SLC8A1: variants seen among roughly 807,000 people sequenced by gnomAD.
The protein encoded by SLC8A1 is solute carrier family 8 member A1, also known as sodium/calcium exchanger 1.
In SLC8A1, 18 loss-of-function variants were observed where a neutral mutation model predicts 68.3. The observed-to-expected ratio is 0.26, with a 90% CI of 0.18 to 0.39. The LOEUF (loss-of-function observed/expected upper bound fraction) is 0.39, where lower values mean the gene tolerates loss of function less well. Ranked by LOEUF, SLC8A1 falls within the 10% of genes least tolerant of loss-of-function variation. The probability of loss-of-function intolerance (pLI) is 1.00; values close to 1 mark genes in which losing one functional copy is unlikely to be tolerated. For missense variants in SLC8A1, 985 were observed against 1,156.7 expected (o/e 0.85, Z 2.15); for synonymous variants, 475 against 415.5 (o/e 1.14, Z -1.74).
intron 2 of SLC8A1, among the ~76,000 whole-genome samples, chr2:40,257,498 G>A (rs2064108835): frequency 1.3e-5 from 2 of 151,670 alleles, no homozygotes; most frequent in African/African-American, 4.9e-5. Context: ...CATCAGTGAG[G>A]TCCCAGAGAA....
exon 2 of SLC8A1, chr2:40,428,868 G>A: frequency 6.2e-7 from 1 of 1,613,606 alleles, no homozygotes; most frequent in Non-Finnish European, 8.5e-7. Flanking sequence ...TTTCCTTCTG[G>A]GTATCACCAG....
intron 2 of SLC8A1, among the ~76,000 whole-genome samples, chr2:40,263,054 T>C (rs1037870009): frequency 6.6e-6 from 1 of 152,244 alleles, no homozygotes; most frequent in South Asian, 2.1e-4. Flanking sequence ...GGTTTCATCA[T>C]GTAAACAGTC....
At chr2:40,105,929 T>A (rs549600977) in exon 8 of SLC8A1, 1 of 152,336 alleles carries the variant, frequency 6.6e-6, no homozygotes, top group South Asian at 2.1e-4. Context: ...TTTCCCCTGC[T>A]TAGCTGCTTA....
intron 2 of SLC8A1, among the ~76,000 whole-genome samples, chr2:40,202,679 A>G (rs1227928459): frequency 6.6e-6 from 1 of 152,036 alleles, no homozygotes; most frequent in Non-Finnish European, 1.5e-5. Flanking sequence ...AGCAAAGTTT[A>G]AAAGTACACA....
intron 2 of SLC8A1, among the ~76,000 whole-genome samples, chr2:40,245,383 C>T (rs924635792): frequency 1.3e-5 from 2 of 150,694 alleles, no homozygotes; most frequent in East Asian, 1.9e-4. Flanking sequence ...TTCCTTATGA[C>T]AAAATTCACA....
intron 7 of SLC8A1, among the ~76,000 whole-genome samples, chr2:40,125,074 G>C (rs1035539840): frequency 6.6e-6 from 1 of 152,156 alleles, no homozygotes; most frequent in Non-Finnish European, 1.5e-5. Flanking sequence ...AGCATGTATT[G>C]TTTATTGCTT....
chr2:40,141,807 A>G (rs2041618794), intron 6 of SLC8A1, among the ~76,000 whole-genome samples: 1 of 152,200 alleles, frequency 6.6e-6, no homozygotes, highest in Non-Finnish European at 1.5e-5. Flanking sequence ...GGTGAGTTCT[A>G]ACCCAATATG....
intron 2 of SLC8A1, among the ~76,000 whole-genome samples, chr2:40,226,366 A>C (rs990379996): frequency 3.3e-5 from 5 of 152,156 alleles, no homozygotes; most frequent in African/African-American, 1.2e-4. Context: ...AACTTCCATG[A>C]CTTCTAGGGT....
chr2:40,169,420 T>C (rs1573491906), intron 4 of SLC8A1, among the ~76,000 whole-genome samples: 1 of 152,278 alleles, frequency 6.6e-6, no homozygotes, highest in South Asian at 2.1e-4. Context: ...GATTGGAGGC[T>C]AAAGTGACTG....
intron 2 of SLC8A1, among the ~76,000 whole-genome samples, chr2:40,225,416 A>T (rs2058847964): frequency 6.6e-6 from 1 of 152,200 alleles, no homozygotes; most frequent in Non-Finnish European, 1.5e-5. Context: ...TCTTGTTACC[A>T]TATTAATGGC....
intron 2 of SLC8A1, among the ~76,000 whole-genome samples, chr2:40,270,329 A>G (rs2065873019): frequency 6.6e-6 from 1 of 152,244 alleles, no homozygotes; most frequent in Admixed American, 6.5e-5. Context: ...AATTTTCACA[A>G]TTGGTGCAAA....
intron 4 of SLC8A1, among the ~76,000 whole-genome samples, chr2:40,173,410 G>A (rs1046995815): frequency 1.6e-4 from 25 of 152,300 alleles, no homozygotes; most frequent in African/African-American, 5.8e-4. Context: ...CCAACACAAA[G>A]ACTTGTCCTG....
intron 2 of SLC8A1, among the ~76,000 whole-genome samples, chr2:40,287,033 G>T (rs766829604): frequency 6.6e-6 from 1 of 152,080 alleles, no homozygotes; most frequent in African/African-American, 2.4e-5. Flanking sequence ...TCTTTCACAG[G>T]AGTAACAGGT....
At chr2:40,232,200 A>G (rs1365001664) in intron 2 of SLC8A1, among the ~76,000 whole-genome samples, 1 of 152,128 alleles carries the variant, frequency 6.6e-6, no homozygotes, top group African/African-American at 2.4e-5. Flanking sequence ...GAACATTTCA[A>G]AAAGACATTT....
At chr2:40,113,071 T>G (rs750133021) in exon 8 of SLC8A1, 5 of 152,294 alleles carry the variant, frequency 3.3e-5, no homozygotes, top group Non-Finnish European at 5.9e-5. Flanking sequence ...CTGTAACCCT[T>G]CTGAGGGCAG....
chr2:40,170,047 C>A (rs1351540065), intron 4 of SLC8A1, among the ~76,000 whole-genome samples: 1 of 152,302 alleles, frequency 6.6e-6, no homozygotes, highest in African/African-American at 2.4e-5. Context: ...GAAAGAGAGG[C>A]CATGGGATCA....
At chr2:40,314,724 G>T (rs2074210865) in intron 2 of SLC8A1, among the ~76,000 whole-genome samples, 1 of 151,878 alleles carries the variant, frequency 6.6e-6, no homozygotes, top group Non-Finnish European at 1.5e-5. Flanking sequence ...CCATCTTTTG[G>T]TCAGATTTAT....
intron 2 of SLC8A1, among the ~76,000 whole-genome samples, chr2:40,245,647 A>G (rs762918389): frequency 4.6e-5 from 7 of 151,792 alleles, no homozygotes; most frequent in Non-Finnish European, 8.8e-5. Context: ...TTGCATTAAT[A>G]TTGTCATTTT....
chr2:40,493,205 T>C (rs1705437690), intron 1 of SLC8A1, among the ~76,000 whole-genome samples: 1 of 152,024 alleles, frequency 6.6e-6, no homozygotes, highest in South Asian at 2.1e-4. Context: ...GGGACATGGA[T>C]GGAATTGGAA....
Sources: allele counts gnomAD v4.1 joint callset (sites outside exome capture counted in the v4.1 genomes callset), GRCh38; gene constraint gnomAD v4.1.1; transcripts MANE v1.5; gene names NCBI Gene and HGNC (gene_info 2026-07-23, HGNC 2026-07-21).